SERGEF: variants seen among roughly 807,000 people sequenced by gnomAD.
The protein encoded by SERGEF is secretion regulating guanine nucleotide exchange factor, also known as secretion-regulating guanine nucleotide exchange factor.
In SERGEF, 51 loss-of-function variants were observed where a neutral mutation model predicts 50.0. The ratio of observed to expected loss-of-function variants is 1.02; its 90% CI spans 0.81 to 1.29. SERGEF has a LOEUF of 1.29. SERGEF is among the 50% of genes most tolerant of loss of function. The probability of loss-of-function intolerance (pLI) is 0.00; values close to 1 mark genes in which losing one functional copy is unlikely to be tolerated. For missense variants in SERGEF, 521 were observed against 557.0 expected (o/e 0.94, Z 0.65); for synonymous variants, 205 against 212.4 (o/e 0.97, Z 0.30).
intron 10 of SERGEF, among the ~76,000 whole-genome samples, chr11:17,816,712 C>G (rs1849981389): frequency 6.6e-6 from 1 of 152,194 alleles, no homozygotes; most frequent in Admixed American, 6.5e-5. Flanking sequence ...GTCTTGGTAT[C>G]CTGGTTGGGA....
rs7114065 is a variant in SERGEF, at chr11:17,794,371, G to T, written c.1049-5958C>A. Among the ~76,000 whole-genome samples the T allele has an allele frequency of 5.4e-3, 819 of 152,268 alleles. 7 individuals are homozygous for T. The highest frequency in any genetic ancestry group is 0.031 in the Middle Eastern group (9 of 294). On this transcript the variant is annotated intron_variant, in intron 10 of 10. Coordinates refer to ENST00000265965, the MANE Select transcript of SERGEF (RefSeq NM_012139.4). ...GCATGAGGGCTGCGACCTAGGGATGGTGCTTCTCAGTTTCATAAAAATGTC... is the reference window on the plus strand; with the variant it reads ...GCATGAGGGCTGCGACCTAGGGATGTTGCTTCTCAGTTTCATAAAAATGTC...
intron 3 of SERGEF, among the ~76,000 whole-genome samples, chr11:18,005,840 A>C (rs542052691): frequency 8.5e-4 from 129 of 150,984 alleles, no homozygotes; most frequent in Admixed American, 3.5e-3. Context: ...TAACACATTT[A>C]GAAAAAAAAA....
intron 10 of SERGEF, chr11:17,846,883 T>C (rs998196549): frequency 1.8e-5 from 7 of 398,200 alleles, no homozygotes; most frequent in Non-Finnish European, 3.0e-5. Context: ...TCTAATCTCC[T>C]GAGGAAGACT....
rs189783325 is a variant in SERGEF at position 17,847,534 on chromosome 11, T to A, written c.1048+30674A>T. On this transcript the variant is annotated intron_variant, in intron 10 of 10. Transcript: ENST00000265965. ...AAATAAAACTGACCTTAAAGTATGA[T>A]TGTATAGATATTTTAAAACGCTATT... is the stretch of plus-strand genomic sequence containing the variant. Among the ~76,000 whole-genome samples the A allele has an allele frequency of 3.9e-5, 6 of 152,322 alleles. No individual in the cohort carries two copies. In the East Asian group the frequency reaches 1.2e-3, roughly 29 times the overall value.
intron 9 of SERGEF, among the ~76,000 whole-genome samples, chr11:17,917,756 T>A (rs924851654): frequency 2.7e-4 from 41 of 152,132 alleles, no homozygotes; most frequent in Admixed American, 4.6e-4. Flanking sequence ...GGTCTCCGTA[T>A]CAGCAGCATA....
intron 7 of SERGEF, among the ~76,000 whole-genome samples, chr11:17,992,709 A>G (rs1450349810): frequency 6.6e-6 from 1 of 152,206 alleles, no homozygotes; most frequent in East Asian, 1.9e-4. Context: ...CATGATTTAT[A>G]TGTATTATAT....
At chr11:17,906,991 GA>G (rs1851858525) in intron 9 of SERGEF, among the ~76,000 whole-genome samples, 4 of 152,112 alleles carry the variant, frequency 2.6e-5, no homozygotes, top group Admixed American at 2.0e-4. Context: ...ACTGTGCTGG[GA>G]AGAGCACTAG....
intron 8 of SERGEF, among the ~76,000 whole-genome samples, chr11:17,977,448 TACC>T (rs1853400390): frequency 6.6e-6 from 1 of 152,098 alleles, no homozygotes; most frequent in African/African-American, 2.4e-5. Flanking sequence ...GTGGGCTTTA[TACC>T]ACCAGCCACC....
intron 10 of SERGEF, among the ~76,000 whole-genome samples, chr11:17,845,965 GTGAA>G (rs1850600697): frequency 6.6e-6 from 1 of 152,164 alleles, no homozygotes; most frequent in Admixed American, 6.6e-5. Context: ...TGCTTGTTGA[GTGAA>G]TGAATGAACA....
At chr11:17,851,532 T>A (rs1414416609) in intron 10 of SERGEF, among the ~76,000 whole-genome samples, 1 of 152,124 alleles carries the variant, frequency 6.6e-6, no homozygotes, top group Non-Finnish European at 1.5e-5. Flanking sequence ...TGTGTGGGGA[T>A]ATGTGCATTT....
intron 8 of SERGEF, among the ~76,000 whole-genome samples, chr11:17,964,380 T>C (rs930965106): frequency 6.6e-6 from 1 of 151,948 alleles, no homozygotes; most frequent in Non-Finnish European, 1.5e-5. Context: ...GCCATAGCTA[T>C]AGGTACAATG....
chr11:17,915,145 TATGAATGA>T (rs141026832), intron 9 of SERGEF, among the ~76,000 whole-genome samples: 102 of 152,082 alleles, frequency 6.7e-4, no homozygotes, highest in African/African-American at 2.4e-3. Context: ...ATGCTCGTTG[TATGAATGA>T]ATGAATGAAT....
chr11:17,866,489 C>A (rs1481320537), intron 10 of SERGEF, among the ~76,000 whole-genome samples: 2 of 152,126 alleles, frequency 1.3e-5, no homozygotes, highest in Non-Finnish European at 2.9e-5. Context: ...CATCTAATGA[C>A]ACATTTCTCA....
chr11:17,867,308 C>T (rs1565189825), intron 10 of SERGEF, among the ~76,000 whole-genome samples: 1 of 152,200 alleles, frequency 6.6e-6, no homozygotes, highest in Non-Finnish European at 1.5e-5. Flanking sequence ...GAGAAATTGG[C>T]CAAAACAAAG....
At chr11:17,839,124 G>A (rs139210153) in intron 10 of SERGEF, among the ~76,000 whole-genome samples, 1 of 152,318 alleles carries the variant, frequency 6.6e-6, no homozygotes, top group African/African-American at 2.4e-5. Context: ...CCTGAACAGG[G>A]ACAAATGTCT....
At chr11:17,823,189 G>A (rs1850114239) in intron 10 of SERGEF, among the ~76,000 whole-genome samples, 1 of 152,202 alleles carries the variant, frequency 6.6e-6, no homozygotes, top group Non-Finnish European at 1.5e-5. Context: ...CCTCAATTGA[G>A]TTTTTCTGAT....
intron 9 of SERGEF, among the ~76,000 whole-genome samples, chr11:17,916,544 G>A (rs1852051515): frequency 6.6e-6 from 1 of 152,146 alleles, no homozygotes; most frequent in South Asian, 2.1e-4. Context: ...AGCACACCAG[G>A]TGATTCTTAT....
In SERGEF at chr11:17,890,017, C is replaced by T. The variant is rs990853888; in HGVS notation, c.1012-11773G>A. Among the ~76,000 whole-genome samples the T allele has an allele frequency of 9.8e-5, 12 of 121,960 alleles. No homozygotes were observed. In the East Asian group the frequency reaches 2.0e-3, roughly 21 times the overall value. The allele number at this position is 121,960 out of a possible 152,430, so 80.0% of individuals were successfully genotyped here. A position where few individuals can be genotyped will look rare whatever the true frequency, so the allele number is the denominator to read the frequency against. On this transcript the variant is annotated intron_variant, in intron 9 of 10. Transcript: ENST00000265965. ...TGTGCATTTTACTGTAGGTAAGTTA[C>T]ACTTCAACCAAAAAAAAAAAAAAAA...
chr11:17,845,688 C>T (rs1029499), intron 10 of SERGEF, among the ~76,000 whole-genome samples: 31,000 of 152,150 alleles, frequency 0.2, 3,323 homozygotes, highest in East Asian at 0.34. Context: ...ATGACTAAGA[C>T]TGATACTGTG....
Sources: gnomAD v4.1 joint callset for allele counts (sites outside exome capture counted in the v4.1 genomes callset) on GRCh38, gnomAD v4.1.1 for gene constraint, MANE v1.5 for transcripts, NCBI Gene and HGNC (gene_info 2026-07-23, HGNC 2026-07-21) for gene names.